DLGAP2: variants seen among roughly 807,000 people sequenced by gnomAD.
DLGAP2 encodes DLG associated protein 2.
In DLGAP2, 26 loss-of-function variants were observed where a neutral mutation model predicts 100.3. That is an observed-to-expected ratio of 0.26 (90% CI 0.19 to 0.36). The LOEUF (loss-of-function observed/expected upper bound fraction) is 0.36, where lower values mean the gene tolerates loss of function less well. DLGAP2 is among the 10% of genes least tolerant of loss of function. The probability of loss-of-function intolerance (pLI) is 1.00; values close to 1 mark genes in which losing one functional copy is unlikely to be tolerated. For missense variants in DLGAP2, 1,858 were observed against 1,453.2 expected (o/e 1.28, Z -4.53); for synonymous variants, 886 against 630.1 (o/e 1.41, Z -6.08).
chr8:1,465,208 G>A (rs1243291250), intron 3 of DLGAP2, among the ~76,000 whole-genome samples: 1 of 152,254 alleles, frequency 6.6e-6, no homozygotes, highest in East Asian at 1.9e-4. Context: ...GTGGTAAACC[G>A]AGGCTCCTGC....
chr8:915,504 A>G (rs1338766730), intron 2 of DLGAP2, among the ~76,000 whole-genome samples: 4 of 151,622 alleles, frequency 2.6e-5, no homozygotes, highest in African/African-American at 4.8e-5. Context: ...CCGAGATCGC[A>G]CCACTGCACT....
chr8:774,940 A>G (rs1185516164), intron 1 of DLGAP2, among the ~76,000 whole-genome samples: 1 of 150,388 alleles, frequency 6.6e-6, no homozygotes, highest in African/African-American at 2.4e-5. Context: ...TACCTTGGGC[A>G]GTATGGCCAT....
At chr8:1,527,918 C>A (rs1195963164) in intron 4 of DLGAP2, among the ~76,000 whole-genome samples, 1 of 150,838 alleles carries the variant, frequency 6.6e-6, no homozygotes, top group Non-Finnish European at 1.5e-5. Context: ...TTTTAAGTAT[C>A]TGCAAAAAAA....
At chr8:830,829 A>G (rs1213580955) in intron 1 of DLGAP2, among the ~76,000 whole-genome samples, 3 of 150,544 alleles carry the variant, frequency 2.0e-5, no homozygotes, top group Non-Finnish European at 4.4e-5. Context: ...AAAATTTCTG[A>G]CTTTGGTGCC....
intron 12 of DLGAP2, among the ~76,000 whole-genome samples, chr8:1,683,952 G>GTATATATATATATA (rs1171271402): frequency 1.1e-3 from 23 of 20,334 alleles, no homozygotes; most frequent in African/African-American, 4.4e-3. Context: ...ATATATATGT[G>GTATATATATATATA]TGTATATATA....
At chr8:1,432,211 C>G (rs1390629461) in intron 3 of DLGAP2, among the ~76,000 whole-genome samples, 1 of 152,224 alleles carries the variant, frequency 6.6e-6, no homozygotes, top group Admixed American at 6.5e-5. Context: ...TATTTCATTG[C>G]TGTAAAAGCC....
intron 3 of DLGAP2, among the ~76,000 whole-genome samples, chr8:1,498,812 A>C (rs547129939): frequency 2.6e-5 from 4 of 152,332 alleles, no homozygotes; most frequent in South Asian, 4.1e-4. Context: ...GCCCTGTACA[A>C]AATGTAGGCT....
At chr8:1,210,524 G>C (rs1490146143) in intron 2 of DLGAP2, among the ~76,000 whole-genome samples, 1 of 152,212 alleles carries the variant, frequency 6.6e-6, no homozygotes, top group Non-Finnish European at 1.5e-5. Flanking sequence ...CTGAAACGTA[G>C]AATGCCCCCA....
chr8:1,629,009 C>G (rs552627274), intron 7 of DLGAP2, among the ~76,000 whole-genome samples: 1 of 152,230 alleles, frequency 6.6e-6, no homozygotes, highest in Non-Finnish European at 1.5e-5. Flanking sequence ...ACCATGATAA[C>G]AATAAGTAAT....
intron 3 of DLGAP2, among the ~76,000 whole-genome samples, chr8:1,363,433 C>T (rs1261699049): frequency 1.3e-5 from 2 of 152,210 alleles, no homozygotes; most frequent in African/African-American, 4.8e-5. Context: ...GACAGAGGCA[C>T]CTGTAAGCCC....
At position 758,243 on chromosome 8, in the gene DLGAP2, A is replaced by G. The variant is rs79027218; in HGVS notation, c.18+20418A>G. Among the ~76,000 whole-genome samples the G allele has an allele frequency of 8.1e-3, 1,237 of 152,114 alleles. 13 individuals carry two copies. Among genetic ancestry groups the G allele is most frequent in the Middle Eastern group, 0.014 (4 of 294 alleles). On this transcript the variant is annotated intron_variant, in intron 1 of 14. Transcript: ENST00000637795. ...ATTTCTTATTTTTGTTTCCAAAAAT[A>G]TTTTTTCTTCTGGCAAAAACTCGGT... is the stretch of plus-strand genomic sequence containing the variant.
intron 2 of DLGAP2, among the ~76,000 whole-genome samples, chr8:1,229,596 A>T (rs1798491880): frequency 6.6e-6 from 1 of 152,032 alleles, no homozygotes; most frequent in African/African-American, 2.4e-5. Context: ...GATTGTGCTT[A>T]TTGATGAACA....
chr8:1,050,490 G>A (rs1288313653), intron 2 of DLGAP2, among the ~76,000 whole-genome samples: 3 of 152,204 alleles, frequency 2.0e-5, no homozygotes, highest in South Asian at 2.1e-4. Context: ...TGTGGATTAG[G>A]TGTATTAAAT....
At chr8:1,169,861 G>T (rs1476273835) in intron 2 of DLGAP2, among the ~76,000 whole-genome samples, 1 of 151,678 alleles carries the variant, frequency 6.6e-6, no homozygotes, top group African/African-American at 2.4e-5. Context: ...TTTCCTAATT[G>T]AATAACCTTT....
At chr8:808,916 T>G (rs1236650131) in intron 1 of DLGAP2, among the ~76,000 whole-genome samples, 1 of 151,288 alleles carries the variant, frequency 6.6e-6, no homozygotes, top group Non-Finnish European at 1.5e-5. Context: ...TTTTTTTTTT[T>G]TTTTTTCTGA....
chr8:1,308,157 G>T (rs1800534995), intron 3 of DLGAP2, among the ~76,000 whole-genome samples: 1 of 152,212 alleles, frequency 6.6e-6, no homozygotes, highest in African/African-American at 2.4e-5. Flanking sequence ...GCAAGCCAGG[G>T]TACGTGTGGA....
intron 4 of DLGAP2, among the ~76,000 whole-genome samples, chr8:1,507,803 T>TCCTTCACCCACCA: frequency 2.1e-5 from 1 of 47,914 alleles, no homozygotes; most frequent in African/African-American, 7.9e-5. Flanking sequence ...CCCACCACCC[T>TCCTTCACCCACCA]CCCTCCACCC....
chr8:1,704,900 C>G lies in DLGAP2; in HGVS notation c.*3494C>G, dbSNP rs568769686. The stretch of plus-strand genomic sequence containing the variant: ...GGCAGAGCACACATGTGCACAGGTT[C>G]TGATTATTTCTCTTGGAGCATATGT... On this transcript the variant is annotated 3_prime_UTR_variant, in exon 15 of 15. Transcript: ENST00000637795. The G allele has an allele frequency of 6.6e-6, 1 of 152,288 alleles. No homozygotes were observed. The highest frequency in any genetic ancestry group is 2.1e-4 in the South Asian group (1 of 4,828). 9.4% of individuals were successfully genotyped at this position (152,288 alleles called of 1,614,324 possible).
chr8:1,683,856 A>ATGTGTGTGTG (rs10583520), intron 12 of DLGAP2, among the ~76,000 whole-genome samples: 5 of 62,228 alleles, frequency 8.0e-5, no homozygotes, highest in South Asian at 7.8e-4. Context: ...ATATATATAT[A>ATGTGTGTGTG]TGTGTGTGTG....
Sources: allele counts gnomAD v4.1 joint callset (sites outside exome capture counted in the v4.1 genomes callset), GRCh38; gene constraint gnomAD v4.1.1; transcripts MANE v1.5; gene names NCBI Gene and HGNC (gene_info 2026-07-23, HGNC 2026-07-21).